DGLUCY: variants seen among roughly 807,000 people sequenced by gnomAD.
DGLUCY encodes the protein D-glutamate cyclase, also known as D-glutamate cyclase, mitochondrial.
In DGLUCY, 58 loss-of-function variants were observed where a neutral mutation model predicts 58.5. That is an observed-to-expected ratio of 0.99 (90% CI 0.80 to 1.23). DGLUCY has a LOEUF of 1.23. Among genes scored for constraint, DGLUCY ranks in the 50% most tolerant of loss-of-function variants. The pLI, the probability that DGLUCY is intolerant of heterozygous loss-of-function variation, is 0.00. For synonymous variants in DGLUCY, 325 were observed against 314.1 expected (o/e 1.03, Z -0.37); for missense variants, 779 against 784.7 (o/e 0.99, Z 0.09).
At chr14:91,198,401 A>G (rs568087016) in intron 10 of DGLUCY, among the ~76,000 whole-genome samples, 1 of 141,962 alleles carries the variant, frequency 7.0e-6, no homozygotes, top group East Asian at 2.1e-4. Context: ...CTGGAGTGCA[A>G]TGGTGTGATC....
chr14:91,215,053 G>A (rs28516673), intron 12 of DGLUCY, among the ~76,000 whole-genome samples: 18,031 of 152,136 alleles, frequency 0.12, 1,339 homozygotes, highest in South Asian at 0.2. Context: ...GGAGGCTGAG[G>A]CAGGAGAATC....
intron 1 of DGLUCY, among the ~76,000 whole-genome samples, chr14:91,077,086 T>C (rs962160077): frequency 6.6e-6 from 1 of 151,864 alleles, no homozygotes; most frequent in Admixed American, 6.6e-5. Context: ...CTACAAAAAA[T>C]GAATAAAATT....
chr14:91,089,777 C>T lies in DGLUCY; in HGVS notation c.-82+29073C>T, dbSNP rs985395957. On this transcript the variant is annotated intron_variant, in intron 1 of 4. Transcript: ENST00000521334. Reference sequence around the variant, plus strand: ...CAGAGCTTGCAGTGAGCCGAGATCACGCCACTACACTCCAGCATGGGTGAC... The same window carrying T: ...CAGAGCTTGCAGTGAGCCGAGATCATGCCACTACACTCCAGCATGGGTGAC... 2.7e-5 allele frequency among the ~76,000 whole-genome samples: 4 copies of T among 150,516 alleles called. 1 individual carries two copies. Among genetic ancestry groups the T allele is most frequent in the Admixed American group, 2.0e-4 (3 of 15,072 alleles).
At chr14:91,181,599 G>A (rs74594276) in intron 8 of DGLUCY, among the ~76,000 whole-genome samples, 9,819 of 152,030 alleles carry the variant, frequency 0.065, 884 homozygotes, top group African/African-American at 0.2. Context: ...TAGTGGTATT[G>A]TGAGTGATTT....
chr14:91,077,939 T>G (rs1287847308), intron 1 of DGLUCY, among the ~76,000 whole-genome samples: 1 of 138,678 alleles, frequency 7.2e-6, no homozygotes, highest in East Asian at 2.0e-4. Context: ...TTTCTTTTCA[T>G]AGCAAACTAT....
chr14:91,192,896 G>T (rs1442197490), intron 9 of DGLUCY, among the ~76,000 whole-genome samples: 1 of 152,190 alleles, frequency 6.6e-6, no homozygotes, highest in Non-Finnish European at 1.5e-5. Flanking sequence ...ACCCTGTTAG[G>T]TATGAGGTGC....
Position 91,177,638 on chromosome 14 carries a change from C to G in DGLUCY, c.730+1582C>G, listed in dbSNP as rs1595848039. Among the ~76,000 whole-genome samples the G allele has an allele frequency of 2.6e-5, 4 of 152,230 alleles. No homozygotes were observed. In the South Asian group the frequency reaches 8.3e-4, roughly 31 times the overall value. ...CCATGGTCATGGACACTGGAAAATT[C>G]TGGCCAGGCCAGCCACACTTGCGCT... On this transcript the variant is annotated intron_variant, in intron 7 of 13. Transcript: ENST00000256324.
intron 4 of DGLUCY, 167 bp downstream of exon 4, chr14:91,167,545 G>A: frequency 1.2e-6 from 1 of 868,716 alleles, no homozygotes; most frequent in Non-Finnish European, 1.9e-6. Context: ...CCTCCCCACT[G>A]TTCTGACTCC....
chr14:91,174,504 C>T (rs2048752109), intron 6 of DGLUCY, among the ~76,000 whole-genome samples: 1 of 152,066 alleles, frequency 6.6e-6, no homozygotes, highest in Admixed American at 6.6e-5. Flanking sequence ...TGGGGTTTTG[C>T]CATGTTGGCC....
In DGLUCY at chr14:91,225,223, G is replaced by A. The variant is rs150364186; in HGVS notation, c.*390G>A. On this transcript the variant is annotated 3_prime_UTR_variant, in exon 14 of 14. Coordinates refer to ENST00000256324, the MANE Select transcript of DGLUCY (RefSeq NM_001102368.3). ...AAACATTCCCAGGCCATGTAGGATA[G>A]GATACTCCAGACTCCAGTCATCCTC... is the stretch of plus-strand genomic sequence containing the variant. 4.0e-3 allele frequency: 632 copies of A among 158,778 alleles called. 6 individuals are homozygous for A. Among genetic ancestry groups the A allele is most frequent in the Non-Finnish European group, 6.1e-3 (446 of 72,780 alleles). 9.8% of individuals were successfully genotyped at this position (158,778 alleles called of 1,614,324 possible).
intron 1 of DGLUCY, among the ~76,000 whole-genome samples, chr14:91,065,049 C>T (rs749176992): frequency 5.3e-5 from 8 of 152,182 alleles, no homozygotes; most frequent in Middle Eastern, 3.4e-3. Context: ...AGCAGAAGCA[C>T]GCCATATGAT....
At chr14:91,204,638 T>A (rs1884219909) in intron 11 of DGLUCY, 68 bp from the exon 12 acceptor site, 1 of 1,583,746 alleles carries the variant, frequency 6.3e-7, no homozygotes. Flanking sequence ...CATGTAGGGC[T>A]GCCTTGCTTC....
chr14:91,188,935 C>G lies in DGLUCY; in HGVS notation c.960C>G (p.Leu320=). The change falls in exon 9 of 14, where the codon CTC becomes CTG. Residue 320 remains leucine (L), a synonymous_variant. Coordinates refer to ENST00000256324, the MANE Select transcript of DGLUCY (RefSeq NM_001102368.3). ...GGAACCGGGGGATTGGGCACCTGCT[C>G]TGTAAAGATGAGCTGCTGAAGGCCT... ...DPGNRGIGHL[L]CKDELLKASL... 7 of 1,614,174 alleles carry G rather than the reference C, an allele frequency of 4.3e-6. No homozygotes were observed. The highest frequency in any genetic ancestry group is 5.9e-6 in the Non-Finnish European group (7 of 1,180,030).
chr14:91,153,235 T>C (rs1444685925), intron 1 of DGLUCY, among the ~76,000 whole-genome samples: 1 of 152,150 alleles, frequency 6.6e-6, no homozygotes, highest in African/African-American at 2.4e-5. Context: ...CAGGCTGGAG[T>C]GCAGTGGCGA....
At chr14:91,212,343 C>T (rs985722708) in intron 12 of DGLUCY, among the ~76,000 whole-genome samples, 1 of 151,364 alleles carries the variant, frequency 6.6e-6, no homozygotes, top group Non-Finnish European at 1.5e-5. Context: ...CTTGTCTCTA[C>T]AAAAAAATTT....
intron 1 of DGLUCY, among the ~76,000 whole-genome samples, chr14:91,143,711 C>G (rs1024968768): frequency 2.0e-5 from 3 of 152,078 alleles, no homozygotes; most frequent in Non-Finnish European, 4.4e-5. Flanking sequence ...CTGTGAGGGC[C>G]CAGCCACTGG....
chr14:91,178,759 G>A (rs1355678583), intron 7 of DGLUCY, among the ~76,000 whole-genome samples: 1 of 152,196 alleles, frequency 6.6e-6, no homozygotes, highest in African/African-American at 2.4e-5. Context: ...AGCCAAGTGT[G>A]GTGGCTTACG....
chr14:91,201,022 A>G lies in DGLUCY; in HGVS notation c.1444+1117A>G, dbSNP rs2050520616. On this transcript the variant is annotated intron_variant, in intron 11 of 13. Coordinates refer to ENST00000256324, the MANE Select transcript of DGLUCY (RefSeq NM_001102368.3). ...GGAGGATATTACAAAGTACCTTCTC[A>G]AGGGTGGGGAGGGTGTATCTTACAA... Among the ~76,000 whole-genome samples, 3 of 152,152 alleles carry G rather than the reference A, an allele frequency of 2.0e-5. No homozygotes were observed. The South Asian group carries it at 6.2e-4, about 32-fold the overall frequency.
upstream of DGLUCY, among the ~76,000 whole-genome samples, chr14:91,103,037 C>G (rs1246730473): frequency 6.6e-6 from 1 of 152,022 alleles, no homozygotes; most frequent in Admixed American, 6.6e-5. Context: ...GCTGGGATTA[C>G]AGGTGTGAGC....
Sources: allele counts gnomAD v4.1 joint callset (sites outside exome capture counted in the v4.1 genomes callset), GRCh38; gene constraint gnomAD v4.1.1; transcripts MANE v1.5; gene names NCBI Gene and HGNC (gene_info 2026-07-23, HGNC 2026-07-21).